SLC12A1: variants seen among roughly 807,000 people sequenced by gnomAD.
The protein encoded by SLC12A1 is solute carrier family 12 member 1, also known as Na-K-2Cl cotransporter.
A neutral mutation model predicts 130.4 loss-of-function variants in SLC12A1; 89 were observed. The observed-to-expected ratio is 0.68, with a 90% CI of 0.58 to 0.81. The LOEUF (loss-of-function observed/expected upper bound fraction) is 0.81. SLC12A1 is among the 40% of genes least tolerant of loss of function. SLC12A1 has a pLI of 0.00. For synonymous variants in SLC12A1, 499 were observed against 460.0 expected, an observed-to-expected ratio of 1.08 and a Z score of -1.09; for missense variants, 1,310 against 1,336.4, an observed-to-expected ratio of 0.98 and a Z score of 0.31.
Position 48,288,066 on chromosome 15 carries a change from T to A in SLC12A1, c.2653T>A (p.Ser885Thr), listed in dbSNP as rs375157909. Reference sequence around the variant, plus strand: ...AGATGGCAGCATTAACACAAGCCAGTCGATGCATGTGGGAGAGTTCAACCA... The same window carrying A: ...AGATGGCAGCATTAACACAAGCCAGACGATGCATGTGGGAGAGTTCAACCA... The part of the protein sequence containing the change: ...KKDGSINTSQ[S>T]MHVGEFNQKL... The change falls in exon 22 of 27, where the codon TCG becomes ACG. Residue 885 changes from serine (S) to threonine (T), a missense_variant. Ser to Thr is a moderately conservative substitution (Grantham distance 58). Transcript: ENST00000380993. 4 of 1,611,008 alleles carry A rather than the reference T, an allele frequency of 2.5e-6. No individual in the cohort carries two copies. The African/African-American group carries it at 5.3e-5, about 22-fold the overall frequency.
At chr15:48,253,343 A>C (rs983423896) in intron 15 of SLC12A1, among the ~76,000 whole-genome samples, 1 of 152,172 alleles carries the variant, frequency 6.6e-6, no homozygotes, top group Non-Finnish European at 1.5e-5. Context: ...TGTGTAGTCA[A>C]TCTCCACCCT....
At position 48,257,105 on chromosome 15, in the gene SLC12A1, C is replaced by T. The variant is rs563278108; in HGVS notation, c.2042+1195C>T. Among the ~76,000 whole-genome samples, 5 of 152,328 alleles carry T rather than the reference C, an allele frequency of 3.3e-5. No homozygotes were observed. The South Asian group carries it at 1.0e-3, about 32-fold the overall frequency. ...TACATGCCCCATGCAAGTCCGAAAT[C>T]CAGTGGGGCAGTAAAATCTTAAAGC... On this transcript the variant is annotated intron_variant, in intron 16 of 26. Coordinates refer to ENST00000380993, the MANE Select transcript of SLC12A1 (RefSeq NM_000338.3).
At chr15:48,223,816 A>G (rs1404517054) in intron 4 of SLC12A1, 2 of 152,200 alleles carry the variant, frequency 1.3e-5, no homozygotes, top group African/African-American at 4.8e-5. Context: ...AATTTGGTCC[A>G]ACTATTTTTT....
chr15:48,250,181 T>A (rs988157709), intron 14 of SLC12A1, among the ~76,000 whole-genome samples: 1 of 152,188 alleles, frequency 6.6e-6, no homozygotes, highest in Admixed American at 6.5e-5. Flanking sequence ...GTTCAAAATT[T>A]CACACCAAAG....
At chr15:48,244,503 G>A (rs528976968) in intron 10 of SLC12A1, among the ~76,000 whole-genome samples, 2 of 152,276 alleles carry the variant, frequency 1.3e-5, no homozygotes, top group Admixed American at 1.3e-4. Flanking sequence ...AATTAAGACT[G>A]AGTGTCAACT....
chr15:48,222,016 G>GT (rs1277660435), intron 4 of SLC12A1, among the ~76,000 whole-genome samples: 1 of 152,186 alleles, frequency 6.6e-6, no homozygotes, highest in African/African-American at 2.4e-5. Context: ...AGTTCCCATA[G>GT]TTTTTCCATG....
At position 48,299,204 on chromosome 15, in the gene SLC12A1, ACTG is replaced by A; in HGVS notation, c.3029_3031del (p.Ala1010del). 1 of 1,609,268 alleles carries A rather than the reference ACTG, an allele frequency of 6.2e-7. No homozygotes were observed. The highest frequency in any genetic ancestry group is 8.5e-7 in the Non-Finnish European group (1 of 1,178,498). On this transcript the variant is annotated inframe_deletion, in exon 25 of 27. Coordinates refer to ENST00000380993, the MANE Select transcript of SLC12A1 (RefSeq NM_000338.3). ...CCATGAAAGCTGCAAAGATTTAACA[ACTG>A]CTGAGAAATTAAAAAGAGAAACTCC...
chr15:48,287,575 T>A (rs1163938408), intron 21 of SLC12A1, among the ~76,000 whole-genome samples: 2 of 152,228 alleles, frequency 1.3e-5, no homozygotes, highest in African/African-American at 4.8e-5. Context: ...CATGAATCAA[T>A]TCCCTAATGA....
chr15:48,249,530 G>T, intron 13 of SLC12A1, 45 bp from the exon 14 acceptor site: 1 of 1,398,210 alleles, frequency 7.2e-7, no homozygotes, highest in East Asian at 2.3e-5. Flanking sequence ...TCAGCCCCTG[G>T]TCTCATCACT....
At chr15:48,225,783 G>T in intron 4 of SLC12A1, 1 of 441,294 alleles carries the variant, frequency 2.3e-6, no homozygotes, top group South Asian at 9.5e-5. Context: ...AGACTTGCTG[G>T]TTTTTATGTA....
At chr15:48,270,562 G>T (rs1204351323) in intron 19 of SLC12A1, among the ~76,000 whole-genome samples, 1 of 146,964 alleles carries the variant, frequency 6.8e-6, no homozygotes, top group Non-Finnish European at 1.5e-5. Context: ...ATAACGCTAT[G>T]CTTTCTCTAT....
At chr15:48,231,221 C>T (rs947867849) in intron 7 of SLC12A1, among the ~76,000 whole-genome samples, 7 of 152,172 alleles carry the variant, frequency 4.6e-5, no homozygotes, top group Non-Finnish European at 8.8e-5. Flanking sequence ...ACACATTCAA[C>T]AAAAATTAAG....
rs2042207490 is a variant in SLC12A1, at chr15:48,299,226, A to C, written c.3047A>C (p.Glu1016Ala). ...DLTTAEKLKR[E>A]TPWKITDAEL... is the part of the protein sequence containing the mutation. ...ACAACTGCTGAGAAATTAAAAAGAG[A>C]AACTCCGTGGAAAATTACAGATGCA... Residue 1016 changes from glutamate to alanine, a missense_variant, in exon 25 of 27, where the codon GAA (glutamate) becomes GCA (alanine). Transcript: ENST00000380993. The C allele has an allele frequency of 6.2e-7, 1 of 1,609,240 alleles. No homozygotes were observed. Among genetic ancestry groups the C allele is most frequent in the Non-Finnish European group, 8.5e-7 (1 of 1,178,560 alleles).
At chr15:48,210,803 C>T (rs1340892898) in intron 2 of SLC12A1, among the ~76,000 whole-genome samples, 2 of 151,054 alleles carry the variant, frequency 1.3e-5, no homozygotes, top group Non-Finnish European at 2.9e-5. Context: ...GCAGAGGTTG[C>T]GGTGAGCTGA....
chr15:48,266,218 C>T (rs2041830280), intron 17 of SLC12A1, among the ~76,000 whole-genome samples: 1 of 152,174 alleles, frequency 6.6e-6, no homozygotes, highest in Non-Finnish European at 1.5e-5. Flanking sequence ...CAGATCTCAA[C>T]CCAACATTCT....
At chr15:48,230,236 T>C (rs911202838) in intron 6 of SLC12A1, among the ~76,000 whole-genome samples, 157 bp from the exon 7 acceptor site, 4 of 151,974 alleles carry the variant, frequency 2.6e-5, no homozygotes, top group African/African-American at 9.7e-5. Context: ...AAATGCTAGG[T>C]TTTTTATCTT....
Position 48,254,379 on chromosome 15 carries a change from G to T in SLC12A1, c.1943-1432G>T, listed in dbSNP as rs192637090. Among the ~76,000 whole-genome samples, 444 of 151,904 alleles carry T rather than the reference G, an allele frequency of 2.9e-3. 4 individuals carry two copies. The highest frequency in any genetic ancestry group is 0.01 in the African/African-American group (425 of 41,470). On this transcript the variant is annotated intron_variant, in intron 15 of 26. Transcript: ENST00000380993. ...GTTTTTATCCCTATAAAAATAAACA[G>T]CCTAAGGTATGCTTAATGCCTGATG...
chr15:48,267,230 A>G (rs573810311), intron 17 of SLC12A1, among the ~76,000 whole-genome samples: 3 of 152,118 alleles, frequency 2.0e-5, no homozygotes, highest in Non-Finnish European at 4.4e-5. Flanking sequence ...TCAAAGGTTG[A>G]TTGTGTATTT....
chr15:48,270,490 T>G (rs1271440267), intron 19 of SLC12A1, among the ~76,000 whole-genome samples: 2 of 151,204 alleles, frequency 1.3e-5, no homozygotes, highest in East Asian at 3.9e-4. Flanking sequence ...ATCTCAGCAT[T>G]TAGTGACAGA....
Sources: gnomAD v4.1 joint callset for allele counts (sites outside exome capture counted in the v4.1 genomes callset) on GRCh38, gnomAD v4.1.1 for gene constraint, MANE v1.5 for transcripts, NCBI Gene and HGNC (gene_info 2026-07-23, HGNC 2026-07-21) for gene names.